The following NTN1 variants were observed in gnomAD, a reference collection of about 807,000 sequenced individuals.
NTN1 encodes netrin 1, also known as netrin-1.
A neutral mutation model predicts 54.2 loss-of-function variants in NTN1; 11 were observed. The observed-to-expected ratio is 0.20, with a 90% CI of 0.13 to 0.34. The LOEUF (loss-of-function observed/expected upper bound fraction) is 0.34. NTN1 is among the 10% of genes least tolerant of loss of function. NTN1 has a pLI of 1.00. For missense variants in NTN1, 740 were observed against 893.1 expected (o/e 0.83, Z 2.18); for synonymous variants, 371 against 382.0 (o/e 0.97, Z 0.33).
At chr17:9,007,052 G>T in the NTN1 span, among the ~76,000 whole-genome samples, 358 of 152,332 alleles carry the variant, frequency 2.4e-3, no homozygotes, top group African/African-American at 8.2e-3. Flanking sequence ...AATGCTAGCC[G>T]CCATGGTTAT....
chr17:9,175,196 C>G (rs1241115821), intron 3 of NTN1: 2 of 152,228 alleles, frequency 1.3e-5, no homozygotes, highest in African/African-American at 4.8e-5. Flanking sequence ...CAGAGAGTGT[C>G]AGAGGGAGTG....
At chr17:9,068,490 A>ATG (rs1311806994) in intron 2 of NTN1, among the ~76,000 whole-genome samples, 7 of 149,190 alleles carry the variant, frequency 4.7e-5, no homozygotes, top group Non-Finnish European at 4.5e-5. Flanking sequence ...TGGCCAGATT[A>ATG]TGTGTGTGTG....
chr17:9,014,020 G>T, the NTN1 span, among the ~76,000 whole-genome samples: 1 of 152,216 alleles, frequency 6.6e-6, no homozygotes, highest in East Asian at 1.9e-4. Context: ...GGATTTGGAG[G>T]ATTTGGGGTT....
intron 6 of NTN1, among the ~76,000 whole-genome samples, chr17:9,231,339 G>A (rs1905804020): frequency 6.6e-6 from 1 of 152,202 alleles, no homozygotes; most frequent in South Asian, 2.1e-4. Flanking sequence ...GGAGCTTTGG[G>A]GGGCATCTTT....
chr17:9,071,877 G>A (rs2092033076), intron 2 of NTN1, among the ~76,000 whole-genome samples: 1 of 152,262 alleles, frequency 6.6e-6, no homozygotes, highest in South Asian at 2.1e-4. Flanking sequence ...TATGAATGGA[G>A]GCTGGGGTCT....
intron 2 of NTN1, among the ~76,000 whole-genome samples, chr17:9,029,820 C>G (rs148434234): frequency 6.6e-6 from 1 of 152,120 alleles, no homozygotes; most frequent in African/African-American, 2.4e-5. Context: ...GGTGAAACCC[C>G]GTGTCTACTA....
intron 2 of NTN1, among the ~76,000 whole-genome samples, chr17:9,119,973 AAGTT>A (rs892121730): frequency 7.9e-5 from 12 of 151,944 alleles, no homozygotes; most frequent in African/African-American, 2.7e-4. Flanking sequence ...TTTAATTGAC[AAGTT>A]AGTTCTTAGA....
chr17:9,052,438 T>C (rs2091964190), intron 2 of NTN1, among the ~76,000 whole-genome samples: 1 of 152,218 alleles, frequency 6.6e-6, no homozygotes. Flanking sequence ...TGTGCAAGTG[T>C]GTTGGTCTCA....
the NTN1 span, among the ~76,000 whole-genome samples, chr17:9,011,653 G>A: frequency 6.6e-6 from 1 of 152,232 alleles, no homozygotes; most frequent in South Asian, 2.1e-4. Flanking sequence ...GCAGTGGCAC[G>A]ATCTCAGTTC....
At chr17:9,123,702 C>G (rs2092237661) in intron 2 of NTN1, among the ~76,000 whole-genome samples, 1 of 152,206 alleles carries the variant, frequency 6.6e-6, no homozygotes, top group Admixed American at 6.5e-5. Flanking sequence ...GCACCACTTA[C>G]TACCCAGTGT....
At chr17:9,122,130 C>T (rs1035283052) in intron 2 of NTN1, among the ~76,000 whole-genome samples, 6 of 151,948 alleles carry the variant, frequency 3.9e-5, no homozygotes, top group Admixed American at 1.3e-4. Context: ...CTCCGCTTCC[C>T]GGGTTCACGC....
At chr17:9,141,546 C>T (rs989728711) in intron 2 of NTN1, among the ~76,000 whole-genome samples, 10 of 151,678 alleles carry the variant, frequency 6.6e-5, no homozygotes, top group African/African-American at 9.7e-5. Context: ...GCAGAGTGGA[C>T]GGAAAAGTGA....
intron 2 of NTN1, among the ~76,000 whole-genome samples, chr17:9,115,904 A>G (rs527687746): frequency 1.1e-4 from 16 of 152,332 alleles, no homozygotes; most frequent in African/African-American, 3.8e-4. Flanking sequence ...TTCTCCCTCT[A>G]TGAACAGTCG....
intron 5 of NTN1, among the ~76,000 whole-genome samples, chr17:9,201,913 C>A (rs9913860): frequency 0.69 from 104,261 of 150,580 alleles, 37,524 homozygotes; most frequent in African/African-American, 0.9. Flanking sequence ...CCGGGCCGGG[C>A]GTGGTGGCTC....
intron 2 of NTN1, among the ~76,000 whole-genome samples, chr17:9,154,014 T>C (rs2092334976): frequency 6.6e-6 from 1 of 152,236 alleles, no homozygotes; most frequent in Non-Finnish European, 1.5e-5. Context: ...CCCCAGAGCC[T>C]TGAGTGGAAC....
chr17:9,234,596 C>G (rs796487382), intron 6 of NTN1, among the ~76,000 whole-genome samples: 6 of 152,368 alleles, frequency 3.9e-5, no homozygotes, highest in African/African-American at 1.4e-4. Context: ...GTTCCCACAT[C>G]CGAACCCTGG....
chr17:9,175,531 A>C (rs1433303035), intron 3 of NTN1: 6 of 152,250 alleles, frequency 3.9e-5, no homozygotes, highest in African/African-American at 1.4e-4. Flanking sequence ...AGGGAGGCAA[A>C]AACCTTAGCC....
chr17:9,213,331 T>G (rs1597541408), intron 5 of NTN1, among the ~76,000 whole-genome samples: 1 of 152,198 alleles, frequency 6.6e-6, no homozygotes, highest in Admixed American at 6.5e-5. Context: ...GCAGCCCTGG[T>G]GCAGGACCTC....
intron 2 of NTN1, among the ~76,000 whole-genome samples, chr17:9,065,547 C>T (rs1046634162): frequency 2.6e-5 from 4 of 152,238 alleles, no homozygotes; most frequent in South Asian, 2.1e-4. Context: ...GAAATGATCT[C>T]GTACTTGTCC....
Sources: allele counts gnomAD v4.1 joint callset (sites outside exome capture counted in the v4.1 genomes callset), GRCh38; gene constraint gnomAD v4.1.1; transcripts MANE v1.5; gene names NCBI Gene and HGNC (gene_info 2026-07-23, HGNC 2026-07-21).